The following XIRP2 variants were observed in gnomAD, a reference collection of about 807,000 sequenced individuals.
XIRP2 encodes xin actin-binding repeat-containing protein 2.
In XIRP2, 236 loss-of-function variants were observed where a neutral mutation model predicts 277.0. The observed-to-expected ratio is 0.85, with a 90% CI of 0.77 to 0.95. The LOEUF is 0.95. Ranked by LOEUF, XIRP2 falls within the 40% of genes least tolerant of loss-of-function variation. The pLI, the probability that XIRP2 is intolerant of heterozygous loss-of-function variation, is 0.00. For synonymous variants in XIRP2, 1,490 were observed against 1,416.5 expected (o/e 1.05, Z -1.17); for missense variants, 4,640 against 4,157.5 (o/e 1.12, Z -3.19).
intron 3 of XIRP2, among the ~76,000 whole-genome samples, chr2:167,153,929 T>C (rs1420825255): frequency 1.3e-5 from 2 of 151,482 alleles, no homozygotes; most frequent in Non-Finnish European, 2.9e-5. Flanking sequence ...TACCCAGTAA[T>C]GGGATGGCTG....
At position 167,204,161 on chromosome 2, in the gene XIRP2, T is replaced by C. The variant is rs146036003; in HGVS notation, c.563-6574T>C. Among the ~76,000 whole-genome samples the C allele has an allele frequency of 1.2e-4, 19 of 152,338 alleles. No individual in the cohort carries two copies. In the East Asian group the frequency reaches 2.7e-3, roughly 22 times the overall value. Reference sequence around the variant, plus strand: ...TGGCATTAAATGAAGGCTTCTTACATTGATTTTAGCAAATTTCAAAGAAAA... The same window carrying C: ...TGGCATTAAATGAAGGCTTCTTACACTGATTTTAGCAAATTTCAAAGAAAA... On this transcript the variant is annotated intron_variant, in intron 3 of 10. Coordinates refer to ENST00000409195, the MANE Select transcript of XIRP2 (RefSeq NM_152381.6).
intron 5 of XIRP2, among the ~76,000 whole-genome samples, chr2:167,226,115 A>T (rs369919790): frequency 5.4e-4 from 82 of 152,322 alleles, no homozygotes; most frequent in African/African-American, 1.9e-3. Flanking sequence ...TATACTAGTA[A>T]TTCGGTTTTC....
chr2:167,006,928 T>C (rs1687518086), intron 2 of XIRP2, among the ~76,000 whole-genome samples: 1 of 151,698 alleles, frequency 6.6e-6, no homozygotes, highest in South Asian at 2.1e-4. Flanking sequence ...TAAAGTAATC[T>C]AGAAAAGTAA....
intron 2 of XIRP2, among the ~76,000 whole-genome samples, chr2:167,129,858 A>C (rs930034469): frequency 1.4e-5 from 2 of 147,900 alleles, no homozygotes; most frequent in African/African-American, 5.2e-5. Flanking sequence ...CAAGAGTGAA[A>C]AACTCAGTCT....
chr2:167,038,117 T>A (rs146737675), intron 2 of XIRP2, among the ~76,000 whole-genome samples: 142 of 152,156 alleles, frequency 9.3e-4, no homozygotes, highest in African/African-American at 3.3e-3. Flanking sequence ...ATAATTGGTG[T>A]CAGCTACATA....
chr2:166,958,024 T>G (rs1177475310), intron 2 of XIRP2, among the ~76,000 whole-genome samples: 2 of 151,862 alleles, frequency 1.3e-5, no homozygotes, highest in Non-Finnish European at 2.9e-5. Flanking sequence ...AGGAAAAAGC[T>G]TGAGAATCCA....
chr2:167,252,560 C>T (rs556316852), intron 9 of XIRP2, among the ~76,000 whole-genome samples: 5 of 151,808 alleles, frequency 3.3e-5, no homozygotes, highest in Non-Finnish European at 7.4e-5. Context: ...AAAAAATAAA[C>T]TAAATCACTG....
intron 3 of XIRP2, among the ~76,000 whole-genome samples, chr2:167,145,497 A>G (rs574151846): frequency 8.5e-5 from 13 of 152,352 alleles, no homozygotes; most frequent in Non-Finnish European, 1.6e-4. Context: ...TGAATTAGGT[A>G]GCAACACATG....
At chr2:166,942,933 A>G (rs1347489161) in intron 2 of XIRP2, among the ~76,000 whole-genome samples, 1 of 152,186 alleles carries the variant, frequency 6.6e-6, no homozygotes, top group Non-Finnish European at 1.5e-5. Context: ...TCTTGTTGTT[A>G]GTAATGAAAA....
At chr2:166,940,012 A>T (rs1437926824) in intron 2 of XIRP2, among the ~76,000 whole-genome samples, 1 of 152,182 alleles carries the variant, frequency 6.6e-6, no homozygotes, top group Non-Finnish European at 1.5e-5. Flanking sequence ...AGATTGGGGA[A>T]GTTCTCCTGG....
rs74595293 is a variant in XIRP2, at chr2:167,186,025, T to C, written c.563-24710T>C. 6.6e-4 allele frequency among the ~76,000 whole-genome samples: 100 copies of C among 152,318 alleles called. 2 individuals are homozygous for C. The East Asian group carries it at 0.019, about 28-fold the overall frequency. On this transcript the variant is annotated intron_variant, in intron 3 of 10. Coordinates refer to ENST00000409195, the MANE Select transcript of XIRP2 (RefSeq NM_152381.6). Reference sequence around the variant, plus strand: ...AGAGACCTTTCTGCAATGTTGGAAATGTTTTATATCTGCACTAATACATAG... The same window carrying C: ...AGAGACCTTTCTGCAATGTTGGAAACGTTTTATATCTGCACTAATACATAG...
chr2:167,040,822 C>G (rs2105519635), intron 2 of XIRP2, among the ~76,000 whole-genome samples: 1 of 152,230 alleles, frequency 6.6e-6, no homozygotes, highest in Non-Finnish European at 1.5e-5. Flanking sequence ...GCAGGGTGGG[C>G]CCCCACCAGC....
chr2:167,023,059 A>C (rs1413679569), intron 2 of XIRP2, among the ~76,000 whole-genome samples: 3 of 152,170 alleles, frequency 2.0e-5, no homozygotes, highest in Non-Finnish European at 2.9e-5. Context: ...GAACTAGTTT[A>C]CAGTCCCACC....
At chr2:167,222,513 A>T (rs750391660) in intron 5 of XIRP2, among the ~76,000 whole-genome samples, 30 of 152,304 alleles carry the variant, frequency 2.0e-4, no homozygotes, top group Non-Finnish European at 3.4e-4. Context: ...AATTAAACCC[A>T]ACCCTCTTTA....
intron 2 of XIRP2, among the ~76,000 whole-genome samples, chr2:167,084,722 T>C (rs1180943232): frequency 1.1e-4 from 17 of 151,764 alleles, no homozygotes; most frequent in Non-Finnish European, 1.9e-4. Context: ...TTCTAGTTTA[T>C]TTGCGTAGAG....
intron 2 of XIRP2, among the ~76,000 whole-genome samples, chr2:166,989,104 GC>G: frequency 9.6e-6 from 1 of 104,606 alleles, no homozygotes; most frequent in Non-Finnish European, 1.8e-5. Flanking sequence ...CTCCCAGCAC[GC>G]AGCTGGAGAT....
chr2:166,932,478 G>A (rs1685369253), intron 2 of XIRP2, among the ~76,000 whole-genome samples: 1 of 151,998 alleles, frequency 6.6e-6, no homozygotes, highest in Non-Finnish European at 1.5e-5. Flanking sequence ...CTGAACGAAA[G>A]TGCTTGGATT....
At chr2:166,921,832 G>C (rs1685048481) in intron 2 of XIRP2, among the ~76,000 whole-genome samples, 1 of 152,094 alleles carries the variant, frequency 6.6e-6, no homozygotes, top group South Asian at 2.1e-4. Flanking sequence ...CTGCTCATCT[G>C]ACAGCAGATC....
rs146460243 is a variant in XIRP2 at position 167,137,076 on chromosome 2, A to G, written c.562+1014A>G. Among the ~76,000 whole-genome samples the G allele has an allele frequency of 2.6e-5, 4 of 152,276 alleles. No individual in the cohort carries two copies. The East Asian group carries it at 7.7e-4, about 29-fold the overall frequency. On this transcript the variant is annotated intron_variant, in intron 3 of 10. Coordinates refer to ENST00000409195, the MANE Select transcript of XIRP2 (RefSeq NM_152381.6). ...CCTCAAATGATTCATGTGCACATTA[A>G]AGTTTGAGAAGCTGTACACTGTGAC...
Sources: allele counts gnomAD v4.1 joint callset (sites outside exome capture counted in the v4.1 genomes callset), GRCh38; gene constraint gnomAD v4.1.1; transcripts MANE v1.5; gene names NCBI Gene and HGNC (gene_info 2026-07-23, HGNC 2026-07-21).